The following ATP11B variants were observed in gnomAD, a reference collection of about 807,000 sequenced individuals.
ATP11B encodes the protein ATPase phospholipid transporting 11B (putative), also known as phospholipid-transporting ATPase IF.
Under a neutral mutation model 157.8 loss-of-function variants are expected in ATP11B, and 81 were observed. The ratio of observed to expected loss-of-function variants is 0.51; its 90% CI spans 0.43 to 0.62. The LOEUF is 0.62. Ranked by LOEUF, ATP11B falls within the 20% of genes least tolerant of loss-of-function variation. The pLI is 0.00. For missense variants in ATP11B, 1,165 were observed against 1,402.2 expected (o/e 0.83, Z 2.70); for synonymous variants, 451 against 469.4 (o/e 0.96, Z 0.51).
At chr3:182,811,553 TC>T (rs933689828) in intron 1 of ATP11B, among the ~76,000 whole-genome samples, 4 of 152,164 alleles carry the variant, frequency 2.6e-5, no homozygotes, top group East Asian at 1.9e-4. Context: ...CTTTGGCTCA[TC>T]CCCCCAGAAG....
In ATP11B at chr3:182,866,363, G is replaced by C; in HGVS notation, c.1539G>C (p.Trp513Cys). The C allele has an allele frequency of 1.9e-6, 3 of 1,613,872 alleles. No homozygotes were observed. The highest frequency in any genetic ancestry group is 2.2e-5 in the East Asian group (1 of 44,864). Residue 513 changes from tryptophan (W) to cysteine (C), a missense_variant, in exon 14 of 30, where the codon TGG (tryptophan) becomes TGC (cysteine). Physicochemically the swap from Trp to Cys is radical, Grantham distance 215. This residue lies in a region of ATP11B where 737 missense variants were observed against 930.5 expected (regional missense o/e 0.79). Transcript: ENST00000323116. ...VQTDCTGDGPWQSNLAPSQLE... is the reference protein window; with the variant it reads ...VQTDCTGDGPCQSNLAPSQLE... ...CTGACTGCACTGGTGATGGTCCCTG[G>C]CAATCCAACCTGGCACCATCGCAGT... is the stretch of plus-strand genomic sequence containing the variant.
In ATP11B at chr3:182,878,375, G is replaced by A. The variant is rs141383965; in HGVS notation, c.2253-1121G>A. The stretch of plus-strand genomic sequence containing the variant: ...AGAGTCTGATATTCTGTGAACCTTC[G>A]GTATTTTCTTGTGGTGTATATAGCA... On this transcript the variant is annotated intron_variant, in intron 19 of 29. Transcript: ENST00000323116. Among the ~76,000 whole-genome samples the A allele has an allele frequency of 2.9e-3, 439 of 152,202 alleles. 4 individuals are homozygous for A. Among genetic ancestry groups the A allele is most frequent in the Middle Eastern group, 0.01 (3 of 294 alleles).
intron 4 of ATP11B, 148 bp downstream of exon 4, chr3:182,829,900 T>G: frequency 1.4e-6 from 2 of 1,433,094 alleles, no homozygotes; most frequent in South Asian, 1.6e-5. Context: ...TTAAACTGAA[T>G]TAGCCACTCT....
At chr3:182,844,623 T>G (rs1719322745) in intron 8 of ATP11B, 28 of 891,268 alleles carry the variant, frequency 3.1e-5, no homozygotes, top group Non-Finnish European at 3.6e-5. Context: ...TGTGCGATCT[T>G]GCCTAGAAAA....
intron 10 of ATP11B, among the ~76,000 whole-genome samples, chr3:182,850,200 C>T (rs1327456348): frequency 1.3e-5 from 2 of 152,268 alleles, no homozygotes; most frequent in Non-Finnish European, 2.9e-5. Flanking sequence ...ACGCTGAGCA[C>T]GGTGGCTCAT....
chr3:182,860,527 A>G (rs1720752509), intron 12 of ATP11B, among the ~76,000 whole-genome samples: 1 of 152,024 alleles, frequency 6.6e-6, no homozygotes, highest in South Asian at 2.1e-4. Context: ...GAGTCTTTTC[A>G]TCCTGGAAAT....
Position 182,837,156 on chromosome 3 carries a change from C to T in ATP11B, c.638C>T (p.Pro213Leu). 6.2e-7 allele frequency: 1 copy of T among 1,610,610 alleles called. No individual in the cohort carries two copies. The highest frequency in any genetic ancestry group is 8.5e-7 in the Non-Finnish European group (1 of 1,177,124). ...TLVAVIECQQPEADLYRFMGR... is the reference protein window; with the variant it reads ...TLVAVIECQQLEADLYRFMGR... ...GTAGCTGTAATAGAATGCCAGCAAC[C>T]AGAAGCAGACTTATACAGGTATGGT... Residue 213 changes from proline to leucine, a missense_variant, in exon 7 of 30, where the codon CCA (proline) becomes CTA (leucine). Around this residue, in one of 4 missense-constraint regions of ATP11B, gnomAD observed 737 missense variants for 930.5 expected, o/e 0.79. Coordinates refer to ENST00000323116, the MANE Select transcript of ATP11B (RefSeq NM_014616.3).
intron 19 of ATP11B, among the ~76,000 whole-genome samples, 165 bp downstream of exon 19, chr3:182,874,180 A>G (rs1721865567): frequency 6.6e-6 from 1 of 152,240 alleles, no homozygotes; most frequent in Non-Finnish European, 1.5e-5. Flanking sequence ...AGAATATTTC[A>G]TGAAGTGAAA....
rs371096506 is a variant in ATP11B at position 182,866,264 on chromosome 3, A to G, written c.1444-4A>G. On this transcript the variant is annotated splice_region_variant and splice_polypyrimidine_tract_variant and intron_variant, in intron 13 of 29. Coordinates refer to ENST00000323116, the MANE Select transcript of ATP11B (RefSeq NM_014616.3). ...TATCATGAATATTAATTACATTTTT[A>G]CAGATTAAAGAACATGATCTCTTCT... is the stretch of plus-strand genomic sequence containing the variant. The G allele has an allele frequency of 1.0e-4, 160 of 1,531,936 alleles. No homozygotes were observed. Among genetic ancestry groups the G allele is most frequent in the Non-Finnish European group, 1.3e-4 (153 of 1,133,762 alleles). 94.9% of individuals were successfully genotyped at this position (1,531,936 alleles called of 1,614,324 possible).
At chr3:182,829,850 T>C in intron 4 of ATP11B, 98 bp downstream of exon 4, 2 of 1,409,150 alleles carry the variant, frequency 1.4e-6, no homozygotes, top group East Asian at 2.5e-5. Flanking sequence ...GAAAATAATT[T>C]CCATAAGAAA....
chr3:182,825,726 A>T (rs1394449820), intron 2 of ATP11B, among the ~76,000 whole-genome samples: 14 of 149,944 alleles, frequency 9.3e-5, no homozygotes, highest in Admixed American at 6.0e-4. Flanking sequence ...CTGTCTCAAA[A>T]AAAAAAAAAA....
At chr3:182,832,743 A>G (rs1312692932) in intron 4 of ATP11B, among the ~76,000 whole-genome samples, 3 of 152,196 alleles carry the variant, frequency 2.0e-5, no homozygotes, top group Non-Finnish European at 4.4e-5. Context: ...AATGCAAGAT[A>G]CAGTGCTGTA....
intron 1 of ATP11B, among the ~76,000 whole-genome samples, chr3:182,803,023 C>T (rs998836967): frequency 1.3e-5 from 2 of 152,050 alleles, no homozygotes; most frequent in Non-Finnish European, 2.9e-5. Flanking sequence ...AATGTATATT[C>T]GGATTGTTGC....
chr3:182,867,264 T>A lies in ATP11B; in HGVS notation c.1620-112T>A, dbSNP rs76908910. 6.1e-3 allele frequency: 4,307 copies of A among 709,398 alleles called. 143 individuals are homozygous for A. In the African/African-American group the frequency reaches 0.071, roughly 12 times the overall value. 43.9% of individuals were successfully genotyped at this position (709,398 alleles called of 1,614,324 possible). Reference sequence around the variant, plus strand: ...AATATTAAAAGGAAATATTTTTAAATGCATTTTGAACTTTGATTTTAAATG... The same window carrying A: ...AATATTAAAAGGAAATATTTTTAAAAGCATTTTGAACTTTGATTTTAAATG... On this transcript the variant is annotated intron_variant, in intron 14 of 29. Transcript: ENST00000323116.
rs571914922 is a variant in ATP11B at position 182,832,781 on chromosome 3, G to A, written c.315+3029G>A. 4.1e-4 allele frequency among the ~76,000 whole-genome samples: 63 copies of A among 152,168 alleles called. 1 individual carries two copies. The highest frequency in any genetic ancestry group is 7.9e-4 in the Admixed American group (12 of 15,280). On this transcript the variant is annotated intron_variant, in intron 4 of 29. Transcript: ENST00000323116. Reference sequence around the variant, plus strand: ...AAATAAGATAGTCTTTGCCCTCCACGATTCTAAAACCTATGAAATAGGAAG... The same window carrying A: ...AAATAAGATAGTCTTTGCCCTCCACAATTCTAAAACCTATGAAATAGGAAG...
chr3:182,799,226 T>A (rs556866347), intron 1 of ATP11B, among the ~76,000 whole-genome samples: 1 of 152,324 alleles, frequency 6.6e-6, no homozygotes, highest in South Asian at 2.1e-4. Context: ...TTAGCCATGC[T>A]GTTTATTCTT....
intron 1 of ATP11B, among the ~76,000 whole-genome samples, chr3:182,818,304 T>C: frequency 6.6e-6 from 1 of 152,260 alleles, no homozygotes; most frequent in East Asian, 1.9e-4. Flanking sequence ...TGAAACTATT[T>C]GTTCATTCAT....
intron 28 of ATP11B, among the ~76,000 whole-genome samples, chr3:182,908,015 A>G (rs186652650): frequency 1.3e-5 from 2 of 152,108 alleles, no homozygotes; most frequent in East Asian, 3.9e-4. Context: ...GGATTTTATC[A>G]TTTTTCACAG....
chr3:182,845,430 C>A lies in ATP11B; in HGVS notation c.705-28C>A, dbSNP rs1257032826. 9 of 1,574,146 alleles carry A rather than the reference C, an allele frequency of 5.7e-6. No individual in the cohort carries two copies. The South Asian group carries it at 1.1e-4, about 18-fold the overall frequency. ...TGAAGAGTTTTTAATATATTCAGTGCTTTATGGTTATTTTCTTTTTTTCCT... is the reference window on the plus strand; with the variant it reads ...TGAAGAGTTTTTAATATATTCAGTGATTTATGGTTATTTTCTTTTTTTCCT... On this transcript the variant is annotated intron_variant, in intron 8 of 29. Transcript: ENST00000323116.
Sources: gnomAD v4.1 joint callset for allele counts (sites outside exome capture counted in the v4.1 genomes callset) on GRCh38, gnomAD v4.1.1 for gene constraint, gnomAD v4.1.1 regional missense constraint, MANE v1.5 for transcripts, NCBI Gene and HGNC (gene_info 2026-07-23, HGNC 2026-07-21) for gene names.